PHACTR3: variants seen among roughly 807,000 people sequenced by gnomAD.
PHACTR3 encodes phosphatase and actin regulator 3, also known as protein phosphatase 1, regulatory subunit 123.
A neutral mutation model predicts 66.8 loss-of-function variants in PHACTR3; 16 were observed. That is an observed-to-expected ratio of 0.24 (90% CI 0.16 to 0.36). The LOEUF (loss-of-function observed/expected upper bound fraction) is 0.36. Among genes scored for constraint, PHACTR3 ranks in the 10% least tolerant of loss-of-function variants. The probability of loss-of-function intolerance (pLI) is 1.00; values close to 1 mark genes in which losing one functional copy is unlikely to be tolerated. For synonymous variants in PHACTR3, 323 were observed against 292.1 expected, an observed-to-expected ratio of 1.11 and a Z score of -1.08; for missense variants, 647 against 719.9, an observed-to-expected ratio of 0.90 and a Z score of 1.16.
chr20:59,824,309 G>T (rs1383209393), intron 8 of PHACTR3, among the ~76,000 whole-genome samples: 1 of 152,204 alleles, frequency 6.6e-6, no homozygotes, highest in Non-Finnish European at 1.5e-5. Context: ...ATGAGCAGAT[G>T]TAAGATTGCA....
chr20:59,644,194 T>TTGCAG (rs1221183860), intron 1 of PHACTR3, among the ~76,000 whole-genome samples: 7 of 152,176 alleles, frequency 4.6e-5, no homozygotes, highest in African/African-American at 1.7e-4. Flanking sequence ...GAGCTAGTGG[T>TTGCAG]TGCAGCACCC....
intron 1 of PHACTR3, among the ~76,000 whole-genome samples, chr20:59,722,289 C>T (rs1272974938): frequency 3.3e-5 from 5 of 151,686 alleles, no homozygotes; most frequent in Admixed American, 2.0e-4. Context: ...GTACAGGAAG[C>T]CACTACAGTG....
Position 59,793,758 on chromosome 20 carries a change from C to CT in PHACTR3, c.1175-12273dup, listed in dbSNP as rs562172754. ...AGCTTTTCCTTTCTAATTTGGATGC[C>CT]TTTTTTTTTTCTGTAGCCTAATTGC... On this transcript the variant is annotated intron_variant, in intron 7 of 12. Coordinates refer to ENST00000371015, the MANE Select transcript of PHACTR3 (RefSeq NM_080672.5). Among the ~76,000 whole-genome samples the CT allele has an allele frequency of 9.3e-3, 1,362 of 147,050 alleles. 9 individuals carry two copies. Among genetic ancestry groups the CT allele is most frequent in the Middle Eastern group, 0.014 (4 of 288 alleles).
Position 59,767,462 on chromosome 20 carries a change from T to C in PHACTR3, c.751+67T>C. ...GCCCCATCCATCCATCTATCCTACATTCATCCACCCATCCATCATCTATCT... is the reference window on the plus strand; with the variant it reads ...GCCCCATCCATCCATCTATCCTACACTCATCCACCCATCCATCATCTATCT... On this transcript the variant is annotated intron_variant, in intron 5 of 12. Coordinates refer to ENST00000371015, the MANE Select transcript of PHACTR3 (RefSeq NM_080672.5). 5.4e-6 allele frequency: 8 copies of C among 1,473,036 alleles called. No individual in the cohort carries two copies. In the South Asian group the frequency reaches 7.2e-5, roughly 13 times the overall value. The allele number at this position is 1,473,036 out of a possible 1,614,324, so 91.2% of individuals were successfully genotyped here.
At chr20:59,704,169 A>G (rs2037612106) in intron 1 of PHACTR3, among the ~76,000 whole-genome samples, 2 of 152,120 alleles carry the variant, frequency 1.3e-5, no homozygotes, top group South Asian at 4.1e-4. Context: ...CAAGGAATAA[A>G]ATGACCCATC....
chr20:59,838,055 C>A (rs143111393), intron 9 of PHACTR3, among the ~76,000 whole-genome samples: 1 of 152,204 alleles, frequency 6.6e-6, no homozygotes, highest in African/African-American at 2.4e-5. Context: ...ACCTTCAGTG[C>A]ATGAAAGGGA....
At chr20:59,767,108 C>A in intron 4 of PHACTR3, 78 bp from the exon 5 acceptor site, 2 of 1,456,470 alleles carry the variant, frequency 1.4e-6, no homozygotes, top group Admixed American at 1.8e-5. Flanking sequence ...TCCCACCAAA[C>A]CCTCTTGCTT....
intron 7 of PHACTR3, among the ~76,000 whole-genome samples, chr20:59,778,977 C>A (rs573059614): frequency 2.0e-5 from 3 of 152,236 alleles, no homozygotes; most frequent in African/African-American, 7.2e-5. Flanking sequence ...CTGTCTGCAC[C>A]GTGCAATGTG....
At position 59,825,029 on chromosome 20, in the gene PHACTR3, G is replaced by A. The variant is rs188250097; in HGVS notation, c.1329-11476G>A. The stretch of plus-strand genomic sequence containing the variant: ...AGCCCAGAACCATGCCCCCTGCAGC[G>A]GGGCCCCTGTATTGCCAGTGGCTTC... On this transcript the variant is annotated intron_variant, in intron 8 of 12. Transcript: ENST00000371015. Among the ~76,000 whole-genome samples the A allele has an allele frequency of 7.9e-5, 12 of 152,338 alleles. No homozygotes were observed. In the East Asian group the frequency reaches 1.9e-3, roughly 24 times the overall value.
rs865829505 is a variant in PHACTR3, at chr20:59,736,925, C to G, written c.119-6182C>G. 6.6e-6 allele frequency among the ~76,000 whole-genome samples: 1 copy of G among 152,142 alleles called. No homozygotes were observed. The highest frequency in any genetic ancestry group is 2.4e-5 in the African/African-American group (1 of 41,460). On this transcript the variant is annotated intron_variant, in intron 1 of 12. Transcript: ENST00000371015. The surrounding 1 kb of genome is among the most constrained non-coding windows in gnomAD (Gnocchi z 4.6). ...AGCCTGGGGCCCCTGGGCATGGGGT[C>G]TTCACTCCTCTGATGACAGTTGAGC...
At chr20:59,670,611 G>GGGGGC in intron 1 of PHACTR3, among the ~76,000 whole-genome samples, 2 of 136,746 alleles carry the variant, frequency 1.5e-5, no homozygotes, top group South Asian at 5.7e-4. Context: ...GGGGTGGGGG[G>GGGGGC]GGGGGGCAGG....
In PHACTR3 at chr20:59,784,323, T is replaced by C. The variant is rs1022715589; in HGVS notation, c.1174+9833T>C. Among the ~76,000 whole-genome samples, 42 of 129,188 alleles carry C rather than the reference T, an allele frequency of 3.3e-4. No homozygotes were observed. The East Asian group carries it at 0.012, about 37-fold the overall frequency. The allele number at this position is 129,188 out of a possible 152,430, so 84.8% of individuals were successfully genotyped here. ...ATATGTGTGTGTGTGGATGTATATA[T>C]ATATATATGTGTATATATAGAATGT... On this transcript the variant is annotated intron_variant, in intron 7 of 12. Transcript: ENST00000371015.
intron 1 of PHACTR3, among the ~76,000 whole-genome samples, chr20:59,606,630 A>C (rs1271385282): frequency 6.6e-6 from 1 of 152,206 alleles, no homozygotes; most frequent in Non-Finnish European, 1.5e-5. Flanking sequence ...TCTCATGAGA[A>C]TCCTTCTAAG....
Position 59,605,115 on chromosome 20 carries a change from A to G in PHACTR3, c.101A>G (p.Asp34Gly). The G allele has an allele frequency of 8.2e-7, 1 of 1,212,208 alleles. No individual in the cohort carries two copies. Among genetic ancestry groups the G allele is most frequent in the South Asian group, 1.9e-5 (1 of 52,180 alleles). 75.1% of individuals were successfully genotyped at this position (1,212,208 alleles called of 1,614,324 possible). The change falls in exon 1 of 13, where the codon GAC becomes GGC. Residue 34 changes from aspartate (D) to glycine (G), a missense_variant. Asp to Gly is a moderately conservative substitution (Grantham distance 94). Around this residue, in one of 2 missense-constraint regions of PHACTR3, gnomAD observed 577 missense variants for 571.1 expected, o/e 1.01. Coordinates refer to ENST00000371015, the MANE Select transcript of PHACTR3 (RefSeq NM_080672.5). ...LTDSSATSSA[D>G]AGENPDEMDQ... ...GACTCCTCGGCCACCTCCTCCGCGG[A>G]CGCCGGGGAGAACCCAGGTAACGGG...
At chr20:59,825,497 G>T (rs1178508553) in intron 8 of PHACTR3, among the ~76,000 whole-genome samples, 1 of 152,152 alleles carries the variant, frequency 6.6e-6, no homozygotes, top group Non-Finnish European at 1.5e-5. Context: ...GACCAGGCTT[G>T]GTTCCAGGGC....
chr20:59,636,199 T>C (rs898222105), intron 1 of PHACTR3, among the ~76,000 whole-genome samples: 1 of 152,220 alleles, frequency 6.6e-6, no homozygotes, highest in African/African-American at 2.4e-5. Context: ...TTCTCTTGCT[T>C]CTTTTAGTTT....
intron 5 of PHACTR3, among the ~76,000 whole-genome samples, chr20:59,768,412 G>A (rs966299695): frequency 6.6e-6 from 1 of 152,200 alleles, no homozygotes; most frequent in Non-Finnish European, 1.5e-5. Flanking sequence ...TAGGCACGAG[G>A]TGCCCCATTT....
chr20:59,662,144 G>A (rs1466755481), intron 1 of PHACTR3, among the ~76,000 whole-genome samples: 3 of 152,224 alleles, frequency 2.0e-5, no homozygotes, highest in Admixed American at 1.3e-4. Flanking sequence ...TCCAGGCACC[G>A]CACAGGGCAC....
intron 1 of PHACTR3, among the ~76,000 whole-genome samples, chr20:59,587,514 C>A (rs368684022): frequency 6.6e-6 from 1 of 152,344 alleles, no homozygotes; most frequent in African/African-American, 2.4e-5. Flanking sequence ...AATTTACCAC[C>A]AACTCAGCAG....
Sources: allele counts gnomAD v4.1 joint callset (sites outside exome capture counted in the v4.1 genomes callset), GRCh38; gene constraint gnomAD v4.1.1; regional missense constraint gnomAD v4.1.1; non-coding constraint Gnocchi (gnomAD v3.1); transcripts MANE v1.5; gene names NCBI Gene and HGNC (gene_info 2026-07-23, HGNC 2026-07-21).